ARID2: variants seen among roughly 807,000 people sequenced by gnomAD.
The protein encoded by ARID2 is AT-rich interaction domain 2.
In ARID2, 32 loss-of-function variants were observed where a neutral mutation model predicts 184.6. That is an observed-to-expected ratio of 0.17 (90% confidence interval 0.13 to 0.23). The LOEUF is 0.23. Ranked by LOEUF, ARID2 falls within the 10% of genes least tolerant of loss-of-function variation. The probability of loss-of-function intolerance (pLI) is 1.00; values close to 1 mark genes in which losing one functional copy is unlikely to be tolerated. For synonymous variants in ARID2, 836 were observed against 772.6 expected (o/e 1.08, Z -1.36); for missense variants, 1,696 against 2,197.6 (o/e 0.77, Z 4.56).
rs892652457 is a variant in ARID2, at chr12:45,850,407, T to C, written c.2284T>C (p.Leu762=). ...QPVTVVNSQT[L]LHHPSVIPQQ... is the part of the protein sequence containing the mutation. ...TGTTACAGTTGTGAATTCTCAGACATTGCTTCACCATCCATCTGTAATTCC... is the reference window on the plus strand; with the variant it reads ...TGTTACAGTTGTGAATTCTCAGACACTGCTTCACCATCCATCTGTAATTCC... Residue 762 remains leucine, a synonymous_variant, in exon 15 of 21, where the codon TTG becomes CTG. Coordinates refer to ENST00000334344, the MANE Select transcript of ARID2 (RefSeq NM_152641.4). 1.2e-6 allele frequency: 2 copies of C among 1,614,044 alleles called. No homozygotes were observed. The highest frequency in any genetic ancestry group is 1.7e-4 in the Middle Eastern group (1 of 6,060).
At chr12:45,899,959 A>G (rs1944436290) in intron 20 of ARID2, among the ~76,000 whole-genome samples, 1 of 151,830 alleles carries the variant, frequency 6.6e-6, no homozygotes, top group African/African-American at 2.4e-5. Context: ...TTACCTCATC[A>G]TATTATTGTT....
chr12:45,818,981 G>A (rs192565761), intron 5 of ARID2, among the ~76,000 whole-genome samples: 1 of 152,172 alleles, frequency 6.6e-6, no homozygotes, highest in East Asian at 1.9e-4. Context: ...AAATTTGATG[G>A]CTTTTCACAT....
intron 4 of ARID2, among the ~76,000 whole-genome samples, chr12:45,812,774 ATGT>A (rs1009982626): frequency 3.9e-5 from 6 of 152,210 alleles, no homozygotes; most frequent in African/African-American, 1.4e-4. Flanking sequence ...ATCGAATGAG[ATGT>A]TGTGCTAATG....
intron 20 of ARID2, among the ~76,000 whole-genome samples, chr12:45,897,570 CAG>C (rs957919448): frequency 6.6e-6 from 1 of 152,078 alleles, no homozygotes; most frequent in African/African-American, 2.4e-5. Context: ...AAAAAACAAA[CAG>C]AATTACCTGT....
At chr12:45,753,883 C>A (rs539616539) in intron 3 of ARID2, among the ~76,000 whole-genome samples, 30 of 152,296 alleles carry the variant, frequency 2.0e-4, no homozygotes, top group African/African-American at 7.2e-4. Flanking sequence ...CATGAGCCCC[C>A]ATAACAACAA....
chr12:45,871,897 T>C (rs533844646), intron 16 of ARID2, among the ~76,000 whole-genome samples: 1 of 152,330 alleles, frequency 6.6e-6, no homozygotes, highest in East Asian at 1.9e-4. Flanking sequence ...TATGTGAGCA[T>C]AGAGATATTT....
At chr12:45,809,315 T>G (rs1198332023) in intron 3 of ARID2, among the ~76,000 whole-genome samples, 1 of 152,182 alleles carries the variant, frequency 6.6e-6, no homozygotes, top group Admixed American at 6.5e-5. Flanking sequence ...ATATTATCCT[T>G]CATTTGCAGT....
chr12:45,885,088 C>CT (rs541749291), intron 16 of ARID2, among the ~76,000 whole-genome samples: 1 of 149,734 alleles, frequency 6.7e-6, no homozygotes, highest in Non-Finnish European at 1.5e-5. Context: ...CTATTTTGAA[C>CT]TTTTGCAACT....
chr12:45,784,031 C>T (rs1284271348), intron 3 of ARID2, among the ~76,000 whole-genome samples: 1 of 152,088 alleles, frequency 6.6e-6, no homozygotes, highest in Non-Finnish European at 1.5e-5. Flanking sequence ...ACTGTGTTGC[C>T]TGGGCTGGAG....
chr12:45,793,457 T>C (rs963929909), intron 3 of ARID2, among the ~76,000 whole-genome samples: 1 of 152,030 alleles, frequency 6.6e-6, no homozygotes, highest in Non-Finnish European at 1.5e-5. Context: ...TGTCTAATAC[T>C]TGGTGCTTTT....
chr12:45,777,351 T>C (rs1412759583), intron 3 of ARID2, among the ~76,000 whole-genome samples: 1 of 152,166 alleles, frequency 6.6e-6, no homozygotes, highest in East Asian at 1.9e-4. Flanking sequence ...TTAATTGTAG[T>C]GTAATAAGTA....
intron 20 of ARID2, among the ~76,000 whole-genome samples, chr12:45,900,768 C>A (rs983707004): frequency 1.3e-5 from 2 of 152,164 alleles, no homozygotes; most frequent in African/African-American, 4.8e-5. Flanking sequence ...TAGTTGTTGG[C>A]TGTACATAAC....
Position 45,852,187 on chromosome 12 carries a change from A to G in ARID2, c.4064A>G (p.Lys1355Arg), listed in dbSNP as rs2138176725. Residue 1355 changes from lysine (K) to arginine (R), a missense_variant, in exon 15 of 21, where the codon AAA becomes AGA. Physicochemically the swap from Lys to Arg is conservative, Grantham distance 26. Coordinates refer to ENST00000334344, the MANE Select transcript of ARID2 (RefSeq NM_152641.4). ...DMQDIKSDLRKPLVNGICDFD... is the reference protein window; with the variant it reads ...DMQDIKSDLRRPLVNGICDFD... ...CAAGATATCAAAAGTGATTTGAGAA[A>G]ACCGCTAGTTAATGGAATCTGTGAT... is the stretch of plus-strand genomic sequence containing the variant. 1 of 1,614,154 alleles carries G rather than the reference A, an allele frequency of 6.2e-7. No individual in the cohort carries two copies. Among genetic ancestry groups the G allele is most frequent in the Non-Finnish European group, 8.5e-7 (1 of 1,180,024 alleles).
At chr12:45,794,393 A>G (rs753223529) in intron 3 of ARID2, among the ~76,000 whole-genome samples, 7 of 152,244 alleles carry the variant, frequency 4.6e-5, no homozygotes, top group Non-Finnish European at 1.0e-4. Context: ...CATCTTGCAT[A>G]AATGACCTAC....
intron 3 of ARID2, among the ~76,000 whole-genome samples, chr12:45,774,563 T>C (rs1565591151): frequency 6.6e-6 from 1 of 152,166 alleles, no homozygotes; most frequent in Non-Finnish European, 1.5e-5. Flanking sequence ...ATATGAATTG[T>C]GGCATACTTT....
At chr12:45,897,834 G>A (rs893465154) in intron 20 of ARID2, among the ~76,000 whole-genome samples, 1 of 151,992 alleles carries the variant, frequency 6.6e-6, no homozygotes, top group African/African-American at 2.4e-5. Flanking sequence ...ACAGTTCTAT[G>A]AGTTTTTGAG....
chr12:45,898,124 T>C (rs991542184), intron 20 of ARID2, among the ~76,000 whole-genome samples: 1 of 152,130 alleles, frequency 6.6e-6, no homozygotes, highest in Non-Finnish European at 1.5e-5. Flanking sequence ...TTCTGACATA[T>C]GCTACATATG....
At chr12:45,861,074 A>G (rs1943738295) in intron 16 of ARID2, 125 bp downstream of exon 16, 2 of 798,780 alleles carry the variant, frequency 2.5e-6, no homozygotes, top group African/African-American at 1.8e-5. Context: ...TAGCGAAACT[A>G]CAAGAGTTAT....
rs2138178541 is a variant in ARID2, at chr12:45,852,403, C to T, written c.4280C>T (p.Ser1427Phe). Residue 1427 changes from serine (S) to phenylalanine (F), a missense_variant, in exon 15 of 21, where the codon TCT (serine) becomes TTT (phenylalanine). Physicochemically the swap from Ser to Phe is radical, Grantham distance 155. This residue lies in a region of ARID2 where 428 missense variants were observed against 409.1 expected (regional missense o/e 1.05). Transcript: ENST00000334344. ...NGPVLTLGGS[S>F]VSSIQEASNA... ...CCTGTATTAACTTTGGGTGGTTCAT[C>T]TGTGAGCAGTATACAGGAGGCTTCA... 2 of 1,614,158 alleles carry T rather than the reference C, an allele frequency of 1.2e-6. No homozygotes were observed. The highest frequency in any genetic ancestry group is 1.7e-6 in the Non-Finnish European group (2 of 1,180,018).
Sources: gnomAD v4.1 joint callset for allele counts (sites outside exome capture counted in the v4.1 genomes callset) on GRCh38, gnomAD v4.1.1 for gene constraint, gnomAD v4.1.1 regional missense constraint, MANE v1.5 for transcripts, NCBI Gene and HGNC (gene_info 2026-07-23, HGNC 2026-07-21) for gene names.